The following CPA6 variants were observed in gnomAD, a reference collection of about 807,000 sequenced individuals.
CPA6 encodes carboxypeptidase B.
CPA6 carries 58 observed loss-of-function variants against 63.3 expected under a neutral mutation model. That is an observed-to-expected ratio of 0.92 (90% CI 0.74 to 1.14). The LOEUF is 1.14. Ranked by LOEUF, CPA6 falls within the 50% of genes most tolerant of loss-of-function variation. The pLI, the probability that CPA6 is intolerant of heterozygous loss-of-function variation, is 0.00. For missense variants in CPA6, 565 were observed against 526.6 expected, an observed-to-expected ratio of 1.07 and a Z score of -0.71; for synonymous variants, 185 against 179.0, an observed-to-expected ratio of 1.03 and a Z score of -0.27.
At chr8:67,697,366 G>C (rs1816930544) in intron 1 of CPA6, among the ~76,000 whole-genome samples, 1 of 152,202 alleles carries the variant, frequency 6.6e-6, no homozygotes, top group African/African-American at 2.4e-5. Flanking sequence ...ATGTGAAAAA[G>C]AAGGCAGATA....
intron 1 of CPA6, among the ~76,000 whole-genome samples, chr8:67,633,618 T>C (rs893423666): frequency 5.9e-5 from 9 of 151,342 alleles, no homozygotes; most frequent in Admixed American, 2.0e-4. Context: ...GAGGCGGAGC[T>C]TGCAGTGAGC....
rs767203617 is a variant in CPA6, at chr8:67,517,976, T to C, written c.264A>G (p.Gln88=). The part of the protein sequence containing the change: ...EGTVTDVHIP[Q]NGSRALLAFL... ...AGGCTAACAGGGCTCGGGAACCATT[T>C]TGGGGGATATGGACATCAGTAACTG... is the stretch of plus-strand genomic sequence containing the variant. The change falls in exon 3 of 11, where the codon CAA becomes CAG. Residue 88 remains glutamine, a synonymous_variant. Transcript: ENST00000297770. 4 of 1,613,096 alleles carry C rather than the reference T, an allele frequency of 2.5e-6. No homozygotes were observed. The highest frequency in any genetic ancestry group is 1.3e-5 in the African/African-American group (1 of 74,874).
At chr8:67,424,911 T>C (rs1160633582) in intron 10 of CPA6, among the ~76,000 whole-genome samples, 1 of 152,198 alleles carries the variant, frequency 6.6e-6, no homozygotes, top group Non-Finnish European at 1.5e-5. Flanking sequence ...TCACACTCTC[T>C]AGCTTTTCAG....
intron 2 of CPA6, among the ~76,000 whole-genome samples, chr8:67,545,989 C>T (rs1563994397): frequency 6.6e-6 from 1 of 152,154 alleles, no homozygotes; most frequent in African/African-American, 2.4e-5. Flanking sequence ...TCATCATCTC[C>T]TCTCCCAGTC....
intron 2 of CPA6, among the ~76,000 whole-genome samples, chr8:67,613,882 C>CAG (rs750695791): frequency 8.4e-4 from 127 of 150,756 alleles, no homozygotes; most frequent in Middle Eastern, 6.9e-3. Flanking sequence ...AATGATGCGG[C>CAG]AGAGAGAGAG....
At chr8:67,639,906 G>A (rs1815551370) in intron 1 of CPA6, among the ~76,000 whole-genome samples, 1 of 151,344 alleles carries the variant, frequency 6.6e-6, no homozygotes, top group South Asian at 2.1e-4. Context: ...CTATAGCCAG[G>A]GTGTCCTGAC....
chr8:67,731,868 G>A (rs1466658472), intron 1 of CPA6, among the ~76,000 whole-genome samples: 2 of 152,214 alleles, frequency 1.3e-5, no homozygotes, highest in East Asian at 1.9e-4. Flanking sequence ...TAGAGAGGAT[G>A]TTAGGCTCAA....
At chr8:67,733,884 C>G (rs1192614488) in intron 1 of CPA6, among the ~76,000 whole-genome samples, 2 of 118,896 alleles carry the variant, frequency 1.7e-5, no homozygotes, top group Non-Finnish European at 3.4e-5. Context: ...AGGCTGTTGC[C>G]CAGGCTGGAG....
At chr8:67,659,152 C>T (rs1816053298) in intron 1 of CPA6, among the ~76,000 whole-genome samples, 1 of 152,230 alleles carries the variant, frequency 6.6e-6, no homozygotes, top group African/African-American at 2.4e-5. Flanking sequence ...TCTTGTTCCC[C>T]TCCCACTGCT....
At chr8:67,547,958 G>A (rs1812854981) in intron 2 of CPA6, among the ~76,000 whole-genome samples, 1 of 152,138 alleles carries the variant, frequency 6.6e-6, no homozygotes, top group Admixed American at 6.5e-5. Flanking sequence ...GGATTTTAAA[G>A]TTTCATTCTA....
intron 2 of CPA6, among the ~76,000 whole-genome samples, chr8:67,569,056 A>G (rs1403111226): frequency 6.6e-6 from 1 of 152,170 alleles, no homozygotes; most frequent in Non-Finnish European, 1.5e-5. Flanking sequence ...TGGCAGGAAG[A>G]GTGTTTTTAA....
chr8:67,561,918 C>A (rs1813222366), intron 2 of CPA6, among the ~76,000 whole-genome samples: 1 of 152,152 alleles, frequency 6.6e-6, no homozygotes, highest in Admixed American at 6.5e-5. Flanking sequence ...ATTTACTATT[C>A]TGCTTCTATA....
chr8:67,688,544 A>T (rs773083704), intron 1 of CPA6, among the ~76,000 whole-genome samples: 13 of 152,178 alleles, frequency 8.5e-5, no homozygotes, highest in Non-Finnish European at 1.6e-4. Context: ...CTTTCTATGC[A>T]TATGTTTATC....
intron 1 of CPA6, among the ~76,000 whole-genome samples, chr8:67,652,191 C>T (rs535804663): frequency 4.9e-4 from 74 of 152,136 alleles, no homozygotes; most frequent in African/African-American, 1.6e-3. Flanking sequence ...TGAATAGTGC[C>T]GCAATAAACA....
intron 1 of CPA6, among the ~76,000 whole-genome samples, chr8:67,677,203 T>C (rs1298159036): frequency 6.6e-6 from 1 of 152,202 alleles, no homozygotes; most frequent in Non-Finnish European, 1.5e-5. Context: ...ATACTGTTTC[T>C]CAATTCAGAA....
intron 8 of CPA6, among the ~76,000 whole-genome samples, chr8:67,445,766 T>G (rs1307675915): frequency 6.6e-6 from 1 of 152,182 alleles, no homozygotes; most frequent in Non-Finnish European, 1.5e-5. Flanking sequence ...GGCATTTGTA[T>G]GGAAAAGTAT....
chr8:67,673,419 T>C (rs917716831), intron 1 of CPA6, among the ~76,000 whole-genome samples: 1 of 149,382 alleles, frequency 6.7e-6, no homozygotes, highest in African/African-American at 2.5e-5. Flanking sequence ...AATCTCGCTC[T>C]GTCACCCAGG....
At chr8:67,631,697 T>C (rs1815335170) in intron 1 of CPA6, among the ~76,000 whole-genome samples, 1 of 152,214 alleles carries the variant, frequency 6.6e-6, no homozygotes, top group South Asian at 2.1e-4. Flanking sequence ...GTTCTTTTAT[T>C]GTTTGCAATA....
chr8:67,591,161 G>T (rs1394180491), intron 2 of CPA6, among the ~76,000 whole-genome samples: 1 of 152,094 alleles, frequency 6.6e-6, no homozygotes, highest in African/African-American at 2.4e-5. Flanking sequence ...CCCATTGCTT[G>T]TTTTTCTCAG....
Sources: gnomAD v4.1 joint callset for allele counts (sites outside exome capture counted in the v4.1 genomes callset) on GRCh38, gnomAD v4.1.1 for gene constraint, MANE v1.5 for transcripts, NCBI Gene and HGNC (gene_info 2026-07-23, HGNC 2026-07-21) for gene names.